Variants in SMN1 observed in about 807,000 individuals in gnomAD.
The protein encoded by SMN1 is survival motor neuron protein.
For synonymous variants in SMN1, 3 were observed against 5.1 expected, an observed-to-expected ratio of 0.58 and a Z score of 0.56; for missense variants, 15 against 17.1, an observed-to-expected ratio of 0.88 and a Z score of 0.22.
the SMN1 span, among the ~76,000 whole-genome samples, chr5:70,960,406 G>A: frequency 6.7e-6 from 1 of 149,462 alleles, no homozygotes; most frequent in Non-Finnish European, 1.5e-5. Flanking sequence ...GATATTCCCA[G>A]CTGGGGTTGA....
chr5:70,955,142 G>A (rs1436396542), downstream of SMN1, among the ~76,000 whole-genome samples: 2 of 146,270 alleles, frequency 1.4e-5, no homozygotes, highest in African/African-American at 5.1e-5. Context: ...GAGTACAGGA[G>A]GTTGAGGCTG....
chr5:70,960,319 C>T, the SMN1 span, among the ~76,000 whole-genome samples: 2 of 147,424 alleles, frequency 1.4e-5, no homozygotes, highest in East Asian at 4.1e-4. Flanking sequence ...TATTTGTAAC[C>T]TAACATCAAT....
downstream of SMN1, among the ~76,000 whole-genome samples, chr5:70,957,428 A>G (rs1418980169): frequency 2.1e-5 from 3 of 143,150 alleles, no homozygotes; most frequent in East Asian, 2.1e-4. Context: ...GTTTTTGCCC[A>G]TTCAGTATGA....
At chr5:70,951,539 T>C (rs1749737510) in intron 7 of SMN1, among the ~76,000 whole-genome samples, 1 of 150,148 alleles carries the variant, frequency 6.7e-6, no homozygotes, top group Non-Finnish European at 1.5e-5. Flanking sequence ...CCTCCCAAAG[T>C]GCTGGGATTA....
chr5:70,956,792 G>A (rs1224120461), downstream of SMN1, among the ~76,000 whole-genome samples: 12 of 149,292 alleles, frequency 8.0e-5, no homozygotes, highest in Non-Finnish European at 1.3e-4. Flanking sequence ...TTGACTTGGC[G>A]ATGCGGGCTT....
downstream of SMN1, among the ~76,000 whole-genome samples, chr5:70,955,739 C>T (rs1749889909): frequency 4.0e-5 from 6 of 148,474 alleles, no homozygotes; most frequent in South Asian, 1.3e-3. Context: ...GAGCCAAGAT[C>T]ATGCCACTAC....
At chr5:70,950,329 G>A (rs1465973434) in intron 7 of SMN1, among the ~76,000 whole-genome samples, 6 of 146,614 alleles carry the variant, frequency 4.1e-5, no homozygotes, top group South Asian at 2.2e-4. Context: ...AGGCAGGAGA[G>A]TTGCTTGAAC....
chr5:70,945,917 G>A (rs1453699031), intron 6 of SMN1, 149 bp from the exon 7 acceptor site: 2 of 5,226 alleles, frequency 3.8e-4, no homozygotes, highest in Admixed American at 3.8e-3. Context: ...GCAAGACCTC[G>A]TCTTTGTTTA....
At chr5:70,951,040 A>G (rs114181047) in intron 7 of SMN1, among the ~76,000 whole-genome samples, 2,060 of 151,912 alleles carry the variant, frequency 0.014, 80 homozygotes, top group African/African-American at 0.043. Context: ...CCAAAAGTGC[A>G]AGGCATTACA....
At chr5:70,959,095 T>G in the SMN1 span, among the ~76,000 whole-genome samples, 1 of 150,538 alleles carries the variant, frequency 6.6e-6, no homozygotes, top group Non-Finnish European at 1.5e-5. Context: ...GATGAGTTCA[T>G]GTCCTTTGTA....
At chr5:70,950,101 G>C (rs535379327) in intron 7 of SMN1, among the ~76,000 whole-genome samples, 1 of 147,114 alleles carries the variant, frequency 6.8e-6, no homozygotes, top group East Asian at 2.1e-4. Context: ...AGCGGGCTCA[G>C]GAACATCATT....
At chr5:70,952,129 A>T in intron 8 of SMN1, 135 bp downstream of exon 8, 2 of 1,503,688 alleles carry the variant, frequency 1.3e-6, no homozygotes, top group South Asian at 2.5e-5. Context: ...AATCAATATT[A>T]AAGAATTTTG....
At chr5:70,958,860 G>A (rs1440874739), downstream of SMN1, among the ~76,000 whole-genome samples, 1 of 150,142 alleles carries the variant, frequency 6.7e-6, no homozygotes, top group Non-Finnish European at 1.5e-5. Flanking sequence ...ATTCCTCAGG[G>A]ATCTAGAACT....
chr5:70,955,043 A>G (rs1325939199), downstream of SMN1, among the ~76,000 whole-genome samples: 1 of 138,608 alleles, frequency 7.2e-6, no homozygotes, highest in African/African-American at 2.7e-5. Flanking sequence ...AAAACCCCTG[A>G]CTCTACAAAA....
downstream of SMN1, among the ~76,000 whole-genome samples, chr5:70,955,568 C>T (rs1175923945): frequency 4.9e-5 from 7 of 141,880 alleles, no homozygotes; most frequent in Admixed American, 1.4e-4. Context: ...CACCTGAGGT[C>T]GGTAGTTCGA....
chr5:70,954,987 G>A (rs1438226311), downstream of SMN1, among the ~76,000 whole-genome samples: 5 of 121,370 alleles, frequency 4.1e-5, no homozygotes, highest in Middle Eastern at 4.1e-3. Context: ...CGAGACAGGC[G>A]GATCACTTGA....
At chr5:70,959,191 G>A in the SMN1 span, among the ~76,000 whole-genome samples, 2 of 149,156 alleles carry the variant, frequency 1.3e-5, no homozygotes, top group African/African-American at 2.4e-5. Flanking sequence ...TCACTCATAG[G>A]TGGGAATTGA....
chr5:70,955,342 G>C (rs1003362988), downstream of SMN1, among the ~76,000 whole-genome samples: 4 of 144,398 alleles, frequency 2.8e-5, no homozygotes, highest in Admixed American at 2.8e-4. Flanking sequence ...CTGGGTTCAA[G>C]CCATTCTCCC....
At chr5:70,948,117 ACTGTAGG>A (rs1450324409) in intron 7 of SMN1, among the ~76,000 whole-genome samples, 43 of 61,166 alleles carry the variant, frequency 7.0e-4, no homozygotes, top group Admixed American at 1.2e-3. Flanking sequence ...TGACTGTAAC[ACTGTAGG>A]CTTTTGTGTT....
Sources: gnomAD v4.1 joint callset for allele counts (sites outside exome capture counted in the v4.1 genomes callset) on GRCh38, gnomAD v4.1.1 for gene constraint, MANE v1.5 for transcripts, NCBI Gene and HGNC (gene_info 2026-07-23, HGNC 2026-07-21) for gene names.